The following NOD2 variants were observed in gnomAD, a reference collection of about 807,000 sequenced individuals.
NOD2 encodes the protein nucleotide binding oligomerization domain containing 2.
Under a neutral mutation model 90.9 loss-of-function variants are expected in NOD2, and 86 were observed. The observed-to-expected ratio is 0.95, with a 90% CI of 0.79 to 1.13. The LOEUF is 1.13. Ranked by LOEUF, NOD2 falls within the 50% of genes most tolerant of loss-of-function variation. The pLI, the probability that NOD2 is intolerant of heterozygous loss-of-function variation, is 0.00. For missense variants in NOD2, 1,238 were observed against 1,283.8 expected (o/e 0.96, Z 0.55); for synonymous variants, 581 against 554.6 (o/e 1.05, Z -0.67).
intron 7 of NOD2, among the ~76,000 whole-genome samples, 153 bp from the exon 8 acceptor site, chr16:50,722,469 G>A (rs890665879): frequency 1.6e-4 from 24 of 152,242 alleles, no homozygotes; most frequent in African/African-American, 5.1e-4. Flanking sequence ...GGTCCACTTT[G>A]CTGGGACCAG....
chr16:50,714,787 A>G (rs749792627), intron 4 of NOD2, among the ~76,000 whole-genome samples: 5 of 152,088 alleles, frequency 3.3e-5, no homozygotes, highest in Non-Finnish European at 7.4e-5. Context: ...GAAACCCTAT[A>G]TACACAGTGC....
At position 50,716,920 on chromosome 16, in the gene NOD2, G is replaced by A. The variant is rs766980553; in HGVS notation, c.2495G>A (p.Cys832Tyr). Residue 832 changes from cysteine to tyrosine, a missense_variant, in exon 6 of 12, where the codon TGT becomes TAT. Transcript: ENST00000647318. ...TTCAACAACAAATTGACTGACGGCT[G>A]TGCACACTCCATGGCTAAGCTCCTT... ...ALFNNKLTDG[C>Y]AHSMAKLLAC... 3 of 1,614,258 alleles carry A rather than the reference G, an allele frequency of 1.9e-6. No homozygotes were observed. In the South Asian group the frequency reaches 3.3e-5, roughly 18 times the overall value.
chr16:50,719,855 C>G (rs1184871458), intron 6 of NOD2, 70 bp from the exon 7 acceptor site: 2 of 1,397,464 alleles, frequency 1.4e-6, no homozygotes, highest in South Asian at 1.2e-5. Context: ...TTTCCCTGGC[C>G]AGGGCACAGA....
At chr16:50,706,455 G>A (rs1436457925) in intron 2 of NOD2, among the ~76,000 whole-genome samples, 2 of 152,100 alleles carry the variant, frequency 1.3e-5, no homozygotes, top group African/African-American at 4.8e-5. Context: ...ACAGAAGCAG[G>A]GGGACCAGTT....
chr16:50,724,862 G>T (rs535486828), intron 9 of NOD2, among the ~76,000 whole-genome samples: 2 of 152,312 alleles, frequency 1.3e-5, no homozygotes, highest in African/African-American at 4.8e-5. Flanking sequence ...TGTAGGGTTT[G>T]TACAGTGGCT....
intron 1 of NOD2, among the ~76,000 whole-genome samples, chr16:50,695,960 G>T (rs1963627451): frequency 6.6e-6 from 1 of 152,196 alleles, no homozygotes; most frequent in African/African-American, 2.4e-5. Context: ...GCCAAATGAA[G>T]AAGGGGAGTG....
Position 50,716,464 on chromosome 16 carries a change from G to A in NOD2, c.2382-123G>A, listed in dbSNP as rs1390801033. On this transcript the variant is annotated intron_variant, in intron 4 of 11. Transcript: ENST00000647318. Reference sequence around the variant, plus strand: ...TTTTTTGGGGTGCTCCATCTATGCAGGGTTTCCTGGAAGCACAGATGCTGG... The same window carrying A: ...TTTTTTGGGGTGCTCCATCTATGCAAGGTTTCCTGGAAGCACAGATGCTGG... 1.1e-5 allele frequency: 11 copies of A among 965,866 alleles called. No homozygotes were observed. The Admixed American group carries it at 1.8e-4, about 16-fold the overall frequency. 59.8% of individuals were successfully genotyped at this position (965,866 alleles called of 1,614,324 possible). A position where few individuals can be genotyped will look rare whatever the true frequency, so the allele number is the denominator to read the frequency against.
At chr16:50,726,771 C>T (rs1251547585) in intron 10 of NOD2, among the ~76,000 whole-genome samples, 1 of 152,218 alleles carries the variant, frequency 6.6e-6, no homozygotes, top group Non-Finnish European at 1.5e-5. Flanking sequence ...AATTGAACTT[C>T]TGATATATCT....
Position 50,716,922 on chromosome 16 carries a change from G to A in NOD2, c.2497G>A (p.Ala833Thr), listed in dbSNP as rs754270929. The A allele has an allele frequency of 3.0e-5, 48 of 1,614,138 alleles. No individual in the cohort carries two copies. The Middle Eastern group carries it at 1.2e-3, about 39-fold the overall frequency. ...CAACAACAAATTGACTGACGGCTGT[G>A]CACACTCCATGGCTAAGCTCCTTGC... ...LFNNKLTDGC[A>T]HSMAKLLACR... is the part of the protein sequence containing the mutation. Residue 833 changes from alanine (A) to threonine (T), a missense_variant, in exon 6 of 12, where the codon GCA becomes ACA. Around this residue, in one of 3 missense-constraint regions of NOD2, gnomAD observed 667 missense variants for 688.7 expected, o/e 0.97. Coordinates refer to ENST00000647318, the MANE Select transcript of NOD2 (RefSeq NM_001370466.1).
At chr16:50,730,255 A>G (rs1965408889) in intron 11 of NOD2, among the ~76,000 whole-genome samples, 1 of 152,204 alleles carries the variant, frequency 6.6e-6, no homozygotes, top group Admixed American at 6.5e-5. Context: ...ATTGGATCAG[A>G]CCTTCTGCGG....
intron 2 of NOD2, among the ~76,000 whole-genome samples, chr16:50,704,668 G>A (rs1455116471): frequency 1.3e-5 from 2 of 151,974 alleles, no homozygotes; most frequent in African/African-American, 4.8e-5. Context: ...TGAGCAGCTG[G>A]GATTACAGGC....
At chr16:50,698,375 A>G (rs992002544) in intron 1 of NOD2, among the ~76,000 whole-genome samples, 11 of 152,164 alleles carry the variant, frequency 7.2e-5, no homozygotes, top group African/African-American at 2.7e-4. Context: ...GAGGGAGGTG[A>G]GGGCCCTAGG....
chr16:50,710,764 C>G lies in NOD2; in HGVS notation c.772C>G (p.Pro258Ala), dbSNP rs1319731165. 1.9e-6 allele frequency: 3 copies of G among 1,614,074 alleles called. No individual in the cohort carries two copies. Among genetic ancestry groups the G allele is most frequent in the Non-Finnish European group, 2.5e-6 (3 of 1,180,004 alleles). Residue 258 changes from proline to alanine, a missense_variant, in exon 4 of 12, where the codon CCT (proline) becomes GCT (alanine). Pro to Ala is a conservative substitution (Grantham distance 27, BLOSUM62 -1). This residue lies in a region of NOD2 where 567 missense variants were observed against 577.3 expected (regional missense o/e 0.98). Coordinates refer to ENST00000647318, the MANE Select transcript of NOD2 (RefSeq NM_001370466.1). ...TLGLEELFSTPGHLNDDADTV... is the reference protein window; with the variant it reads ...TLGLEELFSTAGHLNDDADTV... The stretch of plus-strand genomic sequence containing the variant: ...GGGCCTGGAGGAGCTCTTCAGCACC[C>G]CTGGCCACCTCAATGACGATGCGGA...
chr16:50,727,208 A>G (rs1017677052), intron 10 of NOD2, among the ~76,000 whole-genome samples: 2 of 152,020 alleles, frequency 1.3e-5, no homozygotes, highest in African/African-American at 4.8e-5. Context: ...GGAACCAGAC[A>G]GCCTGGGTCT....
chr16:50,720,114 G>C lies in NOD2; in HGVS notation c.2633+106G>C, dbSNP rs116437754. 9.2e-6 allele frequency: 9 copies of C among 982,494 alleles called. No homozygotes were observed. The Admixed American group carries it at 1.7e-4, about 19-fold the overall frequency. 60.9% of individuals were successfully genotyped at this position (982,494 alleles called of 1,614,324 possible). A position where few individuals can be genotyped will look rare whatever the true frequency, so the allele number is the denominator to read the frequency against. ...GCCAGGAGGCCCCAGAGGCAGCCCA[G>C]CTCCAGTGGGGAGGACAAGCCAGGG... On this transcript the variant is annotated intron_variant, in intron 7 of 11. Transcript: ENST00000647318.
At chr16:50,697,518 C>G in intron 1 of NOD2, 2 of 659,676 alleles carry the variant, frequency 3.0e-6, no homozygotes, top group Non-Finnish European at 5.5e-6. Context: ...GCATCCTTGG[C>G]TGGTGTTTCC....
intron 4 of NOD2, 90 bp downstream of exon 4, chr16:50,712,463 GC>G: frequency 6.5e-7 from 1 of 1,538,638 alleles, no homozygotes; most frequent in Non-Finnish European, 8.9e-7. Flanking sequence ...AGAAGTCTGG[GC>G]CCAGCTTCGC....
rs373838219 is a variant in NOD2, at chr16:50,707,904, C to A, written c.509C>A (p.Ala170Asp). Residue 170 changes from alanine (A) to aspartate (D), a missense_variant, in exon 3 of 12, where the codon GCC becomes GAC. Ala to Asp is a moderately radical substitution (Grantham distance 126). This residue lies in a region of NOD2 where 567 missense variants were observed against 577.3 expected (regional missense o/e 0.98). Transcript: ENST00000647318. ...LATVKANGLA[A>D]FLLQHVQELP... ...ACGGTGAAAGCGAATGGATTGGCTG[C>A]CTTCCTTCTACAACATGTTCAGGAA... 85 of 1,613,964 alleles carry A rather than the reference C, an allele frequency of 5.3e-5. No homozygotes were observed. The highest frequency in any genetic ancestry group is 6.4e-5 in the Non-Finnish European group (75 of 1,179,950).
chr16:50,716,742 A>G (rs545794193), intron 5 of NOD2, 72 bp downstream of exon 5: 2 of 1,527,908 alleles, frequency 1.3e-6, no homozygotes, highest in South Asian at 1.1e-5. Flanking sequence ...CAGCCTGGGA[A>G]GCTGTGAGTG....
Sources: gnomAD v4.1 joint callset for allele counts (sites outside exome capture counted in the v4.1 genomes callset) on GRCh38, gnomAD v4.1.1 for gene constraint, gnomAD v4.1.1 regional missense constraint, MANE v1.5 for transcripts, NCBI Gene and HGNC (gene_info 2026-07-23, HGNC 2026-07-21) for gene names.